ALOXE3: variants seen among roughly 807,000 people sequenced by gnomAD.
ALOXE3 encodes hydroperoxide isomerase ALOXE3.
A neutral mutation model predicts 87.5 loss-of-function variants in ALOXE3; 78 were observed. That is an observed-to-expected ratio of 0.89 (90% CI 0.74 to 1.08). The LOEUF (loss-of-function observed/expected upper bound fraction) is 1.08. Among genes scored for constraint, ALOXE3 ranks in the 50% least tolerant of loss-of-function variants. The pLI, the probability that ALOXE3 is intolerant of heterozygous loss-of-function variation, is 0.00. For synonymous variants in ALOXE3, 363 were observed against 370.8 expected (o/e 0.98, Z 0.24); for missense variants, 946 against 912.4 (o/e 1.04, Z -0.47).
chr17:8,108,346 T>G, intron 13 of ALOXE3, 122 bp downstream of exon 13: 1 of 1,412,332 alleles, frequency 7.1e-7, no homozygotes, highest in African/African-American at 1.4e-5. Context: ...TATCTGCTAG[T>G]TGGGGATATT....
chr17:8,105,434 C>T (rs1226195793), intron 13 of ALOXE3, among the ~76,000 whole-genome samples: 1 of 152,210 alleles, frequency 6.6e-6, no homozygotes, highest in Non-Finnish European at 1.5e-5. Flanking sequence ...CACACTGTAT[C>T]CCCTGATGCT....
rs1598212396 is a variant in ALOXE3, at chr17:8,112,016, T to A, written c.784+77A>T. The A allele has an allele frequency of 2.2e-6, 3 of 1,378,844 alleles. No individual in the cohort carries two copies. In the Admixed American group the frequency reaches 5.0e-5, roughly 23 times the overall value. The allele number at this position is 1,378,844 out of a possible 1,614,324, so 85.4% of individuals were successfully genotyped here. On this transcript the variant is annotated intron_variant, in intron 7 of 15. Transcript: ENST00000448843. ...CCCTGGGAGGGCTGGGAGAGGGCCC[T>A]TTCCCAGGAAGGAGAGGAAGGGGTC... is the stretch of plus-strand genomic sequence containing the variant.
At chr17:8,109,371 G>A (rs371186338) in intron 11 of ALOXE3, 28 bp from the exon 12 acceptor site, 40 of 1,609,536 alleles carry the variant, frequency 2.5e-5, no homozygotes, top group Non-Finnish European at 3.1e-5. Flanking sequence ...CTCGGCTCCC[G>A]GGCCGGCCCA....
In ALOXE3 at chr17:8,096,412, G is replaced by T; in HGVS notation, c.*215C>A. The T allele has an allele frequency of 1.7e-6, 1 of 580,144 alleles. No homozygotes were observed. The highest frequency in any genetic ancestry group is 3.1e-6 in the Non-Finnish European group (1 of 323,098). The allele number at this position is 580,144 out of a possible 1,614,324, so 35.9% of individuals were successfully genotyped here. On this transcript the variant is annotated 3_prime_UTR_variant, in exon 16 of 16. Coordinates refer to ENST00000448843, the MANE Select transcript of ALOXE3 (RefSeq NM_021628.3). ...TATTGTGCATTGGACTTTGGTCAGC[G>T]GCTTTTAACCTGGACGCTGCTGTGC...
chr17:8,112,640 G>C (rs577390733), intron 6 of ALOXE3, among the ~76,000 whole-genome samples: 10 of 152,060 alleles, frequency 6.6e-5, no homozygotes, highest in Non-Finnish European at 1.3e-4. Flanking sequence ...CATTAGACAG[G>C]GCCAACCAAG....
intron 5 of ALOXE3, 90 bp from the exon 6 acceptor site, chr17:8,114,699 G>A (rs1980429044): frequency 3.2e-6 from 5 of 1,581,140 alleles, no homozygotes; most frequent in Non-Finnish European, 4.3e-6. Context: ...TGCCTTCCAA[G>A]TCCCTGGGTC....
chr17:8,109,026 G>T, intron 12 of ALOXE3, 148 bp downstream of exon 12: 2 of 1,275,512 alleles, frequency 1.6e-6, no homozygotes, highest in East Asian at 2.5e-5. Flanking sequence ...TTTCAGAAGG[G>T]ACCCCAAACT....
At chr17:8,099,963 G>C (rs1485813805) in intron 15 of ALOXE3, among the ~76,000 whole-genome samples, 2 of 152,024 alleles carry the variant, frequency 1.3e-5, no homozygotes, top group African/African-American at 2.4e-5. Flanking sequence ...CTACAGGAGA[G>C]GCTGGGGTGA....
Position 8,103,230 on chromosome 17 carries a change from G to A in ALOXE3, c.1956+93C>T, listed in dbSNP as rs541230774. On this transcript the variant is annotated intron_variant, in intron 15 of 15. Coordinates refer to ENST00000448843, the MANE Select transcript of ALOXE3 (RefSeq NM_021628.3). ...CAGTTCTGCAGTGAACATAAATCCC[G>A]TCGATCAGTCCTCAAGCCCCCAGAC... is the stretch of plus-strand genomic sequence containing the variant. The A allele has an allele frequency of 4.1e-4, 593 of 1,445,180 alleles. 5 individuals carry two copies. In the South Asian group the frequency reaches 5.6e-3, roughly 14 times the overall value. The allele number at this position is 1,445,180 out of a possible 1,614,324, so 89.5% of individuals were successfully genotyped here.
chr17:8,116,366 G>A (rs965894723), intron 3 of ALOXE3, among the ~76,000 whole-genome samples: 1 of 152,142 alleles, frequency 6.6e-6, no homozygotes, highest in Non-Finnish European at 1.5e-5. Flanking sequence ...AGTAGGGGAG[G>A]GAATGGGGCC....
intron 8 of ALOXE3, 90 bp downstream of exon 8, chr17:8,111,268 CA>C (rs752181165): frequency 2.6e-5 from 39 of 1,522,038 alleles, no homozygotes; most frequent in Non-Finnish European, 3.5e-5. Flanking sequence ...CAGCCCAGGC[CA>C]TTTCCATACC....
At chr17:8,116,444 G>C (rs1170650708) in intron 3 of ALOXE3, among the ~76,000 whole-genome samples, 1 of 152,176 alleles carries the variant, frequency 6.6e-6, no homozygotes, top group Non-Finnish European at 1.5e-5. Flanking sequence ...TCAGGGTGCA[G>C]GTTAGTTCCT....
chr17:8,099,677 T>TA (rs2151829530), intron 15 of ALOXE3, among the ~76,000 whole-genome samples: 1 of 148,288 alleles, frequency 6.7e-6, no homozygotes, highest in East Asian at 2.0e-4. Context: ...AAAAAAAAAG[T>TA]AAAAAATCTT....
Position 8,108,710 on chromosome 17 carries a change from C to G in ALOXE3, c.1563-121G>C, listed in dbSNP as rs566609630. 6,931 of 1,424,776 alleles carry G rather than the reference C, an allele frequency of 4.9e-3. 60 individuals carry two copies. Among genetic ancestry groups the G allele is most frequent in the South Asian group, 0.022 (1,875 of 85,554 alleles). The allele number at this position is 1,424,776 out of a possible 1,614,324, so 88.3% of individuals were successfully genotyped here. ...GATAGCCATGGGGGTTCAGCAGGGA[C>G]CCCCAGGTGCAGCTGGAATCTGAGT... On this transcript the variant is annotated intron_variant, in intron 12 of 15. Transcript: ENST00000448843.
chr17:8,097,273 G>A (rs1317229209), intron 15 of ALOXE3, among the ~76,000 whole-genome samples: 2 of 152,084 alleles, frequency 1.3e-5, no homozygotes, highest in Non-Finnish European at 2.9e-5. Flanking sequence ...AGAATTACAG[G>A]TGTGAGCCAC....
chr17:8,108,609 G>T lies in ALOXE3; in HGVS notation c.1563-20C>A, dbSNP rs777876121. On this transcript the variant is annotated intron_variant, in intron 12 of 15. Transcript: ENST00000448843. ...ACAAAGCTGCAGGAAAGAGATGCTG[G>T]TACCACTGGAGTAACCACGGGCTCA... 6.2e-7 allele frequency: 1 copy of T among 1,607,358 alleles called. No homozygotes were observed. Among genetic ancestry groups the T allele is most frequent in the Non-Finnish European group, 8.5e-7 (1 of 1,175,996 alleles).
In ALOXE3 at chr17:8,113,886, A is replaced by T. The variant is rs948585745; in HGVS notation, c.680+598T>A. Among the ~76,000 whole-genome samples the T allele has an allele frequency of 4.7e-5, 7 of 150,134 alleles. No homozygotes were observed. In the South Asian group the frequency reaches 1.5e-3, roughly 32 times the overall value. The stretch of plus-strand genomic sequence containing the variant: ...TACTAAAAATACAAAATTAGCCGGC[A>T]TGGTGGCACCTGCCTGTAGTCCCAG... On this transcript the variant is annotated intron_variant, in intron 6 of 15. Coordinates refer to ENST00000448843, the MANE Select transcript of ALOXE3 (RefSeq NM_021628.3).
chr17:8,100,194 C>T (rs6503080), intron 15 of ALOXE3, among the ~76,000 whole-genome samples: 49,151 of 151,954 alleles, frequency 0.32, 8,570 homozygotes, highest in East Asian at 0.62. Context: ...CAGTCTGCCA[C>T]TTCTGGGCCT....
In ALOXE3 at chr17:8,111,414, T is replaced by C. The variant is rs1980074472; in HGVS notation, c.902A>G (p.Asn301Ser). Residue 301 changes from asparagine (N) to serine (S), a missense_variant, in exon 8 of 16, where the codon AAT becomes AGT. Coordinates refer to ENST00000448843, the MANE Select transcript of ALOXE3 (RefSeq NM_021628.3). ...SSLPSKLPVTNDMVAPLLGQD... is the reference protein window; with the variant it reads ...SSLPSKLPVTSDMVAPLLGQD... The stretch of plus-strand genomic sequence containing the variant: ...TCCCAGCAAGGGGGCCACCATGTCA[T>C]TGGTGACAGGCAGCTTGCTGGGCAA... 34 of 1,613,960 alleles carry C rather than the reference T, an allele frequency of 2.1e-5. No individual in the cohort carries two copies. The highest frequency in any genetic ancestry group is 2.7e-5 in the African/African-American group (2 of 74,930).
Sources: gnomAD v4.1 joint callset for allele counts (sites outside exome capture counted in the v4.1 genomes callset) on GRCh38, gnomAD v4.1.1 for gene constraint, MANE v1.5 for transcripts, NCBI Gene and HGNC (gene_info 2026-07-23, HGNC 2026-07-21) for gene names.